The following NFAT5 variants were observed in gnomAD, a reference collection of about 807,000 sequenced individuals.
NFAT5 encodes nuclear factor of activated T-cells 5.
In NFAT5, 31 loss-of-function variants were observed where a neutral mutation model predicts 166.5. That is an observed-to-expected ratio of 0.19 (90% confidence interval 0.14 to 0.25). The LOEUF (loss-of-function observed/expected upper bound fraction) is 0.25, where lower values mean the gene tolerates loss of function less well. Among genes scored for constraint, NFAT5 ranks in the 10% least tolerant of loss-of-function variants. NFAT5 has a pLI of 1.00. For synonymous variants in NFAT5, 612 were observed against 639.7 expected, an observed-to-expected ratio of 0.96 and a Z score of 0.65; for missense variants, 1,449 against 1,821.8, an observed-to-expected ratio of 0.80 and a Z score of 3.72.
intron 7 of NFAT5, among the ~76,000 whole-genome samples, chr16:69,666,760 G>A (rs1164595940): frequency 1.3e-5 from 2 of 151,840 alleles, no homozygotes; most frequent in Admixed American, 1.3e-4. Context: ...GGAAGTCAGT[G>A]TGGCGATTCC....
At chr16:69,660,084 A>G (rs2036057338) in intron 7 of NFAT5, among the ~76,000 whole-genome samples, 185 bp downstream of exon 7, 1 of 152,226 alleles carries the variant, frequency 6.6e-6, no homozygotes, top group Admixed American at 6.5e-5. Flanking sequence ...TTGGGATACA[A>G]TTCAAAAGAT....
intron 7 of NFAT5, among the ~76,000 whole-genome samples, chr16:69,661,567 A>AAAAG: frequency 6.9e-6 from 1 of 145,562 alleles, no homozygotes; most frequent in Non-Finnish European, 1.5e-5. Context: ...AAAAAAAAAA[A>AAAAG]GGAAATTGTT....
chr16:69,633,959 G>A (rs1405526475), intron 3 of NFAT5, among the ~76,000 whole-genome samples: 10 of 151,848 alleles, frequency 6.6e-5, no homozygotes, highest in Non-Finnish European at 2.9e-5. Context: ...ATTATTATTT[G>A]TTAATTAAAA....
chr16:69,598,289 G>T (rs1227806775), intron 2 of NFAT5, among the ~76,000 whole-genome samples: 1 of 150,854 alleles, frequency 6.6e-6, no homozygotes, highest in African/African-American at 2.4e-5. Context: ...GAAGTAGGTG[G>T]ATCACTTGAG....
chr16:69,605,748 C>T (rs2033371048), intron 2 of NFAT5, among the ~76,000 whole-genome samples: 1 of 151,868 alleles, frequency 6.6e-6, no homozygotes, highest in Non-Finnish European at 1.5e-5. Flanking sequence ...GTTCTGTCGC[C>T]CAGGCAGGAC....
intron 2 of NFAT5, among the ~76,000 whole-genome samples, chr16:69,615,557 TACAC>T (rs375592766): frequency 6.6e-6 from 1 of 151,870 alleles, no homozygotes; most frequent in Non-Finnish European, 1.5e-5. Flanking sequence ...TATATGTCTG[TACAC>T]ACACACACAG....
intron 2 of NFAT5, among the ~76,000 whole-genome samples, chr16:69,585,090 C>T (rs940221337): frequency 1.3e-5 from 2 of 151,882 alleles, no homozygotes; most frequent in Admixed American, 6.6e-5. Flanking sequence ...CTCTGCCTCC[C>T]GGGTTGAAGC....
intron 2 of NFAT5, among the ~76,000 whole-genome samples, chr16:69,573,636 A>C (rs888072062): frequency 6.6e-6 from 1 of 151,908 alleles, no homozygotes; most frequent in East Asian, 1.9e-4. Context: ...ATTGCTTACC[A>C]CCTGTTTTTG....
Position 69,620,560 on chromosome 16 carries a change from C to T in NFAT5, c.128-5843C>T, listed in dbSNP as rs139681547. 2.4e-3 allele frequency among the ~76,000 whole-genome samples: 361 copies of T among 152,088 alleles called. 2 individuals carry two copies. Among genetic ancestry groups the T allele is most frequent in the Middle Eastern group, 0.014 (4 of 294 alleles). On this transcript the variant is annotated intron_variant, in intron 2 of 14. Transcript: ENST00000349945. ...ACCAGCCTGGCCAACATAGCAAGAC[C>T]GCGTCTCTACAAAAAAATTGAAAAG...
Position 69,647,678 on chromosome 16 carries a change from GT to G in NFAT5, c.812+95del. 8.4e-7 allele frequency: 1 copy of G among 1,190,614 alleles called. No homozygotes were observed. Among genetic ancestry groups the G allele is most frequent in the African/African-American group, 1.5e-5 (1 of 65,162 alleles). The allele number at this position is 1,190,614 out of a possible 1,614,324, so 73.8% of individuals were successfully genotyped here. Reference sequence around the variant, plus strand: ...AATTTTTCCTAATTGCTGAGCTCAAGTTTGCATATAAAGCAACAGTGCTAAT... The same window carrying G: ...AATTTTTCCTAATTGCTGAGCTCAAGTTGCATATAAAGCAACAGTGCTAAT... On this transcript the variant is annotated intron_variant, in intron 4 of 14. Coordinates refer to ENST00000349945, the MANE Select transcript of NFAT5 (RefSeq NM_138713.4). This position sits in a 1 kb window ranked among gnomAD's most constrained non-coding sequence, Gnocchi z 4.8.
intron 2 of NFAT5, among the ~76,000 whole-genome samples, chr16:69,579,864 T>C (rs1005311704): frequency 6.6e-6 from 1 of 152,226 alleles, no homozygotes; most frequent in African/African-American, 2.4e-5. Flanking sequence ...CTGTGACTGT[T>C]TGTTCTTGTA....
In NFAT5 at chr16:69,696,838, G is replaced by T. The variant is rs2151728888; in HGVS notation, c.*487G>T. The T allele has an allele frequency of 6.6e-6, 1 of 152,606 alleles. No homozygotes were observed. The highest frequency in any genetic ancestry group is 1.9e-4 in the East Asian group (1 of 5,186). 9.5% of individuals were successfully genotyped at this position (152,606 alleles called of 1,614,324 possible). A position where few individuals can be genotyped will look rare whatever the true frequency, so the allele number is the denominator to read the frequency against. On this transcript the variant is annotated 3_prime_UTR_variant, in exon 15 of 15. Coordinates refer to ENST00000349945, the MANE Select transcript of NFAT5 (RefSeq NM_138713.4). ...TTCAATATAAAAGGCACAGCTGTTG[G>T]CCAAAGTGAAGGAATCTTTTTTCAG...
chr16:69,663,564 TAAAAAA>T (rs60161117), intron 7 of NFAT5, among the ~76,000 whole-genome samples: 3 of 91,988 alleles, frequency 3.3e-5, no homozygotes, highest in African/African-American at 1.2e-4. Context: ...CCCATCTCTT[TAAAAAA>T]AAAAAAAAAA....
At position 69,656,742 on chromosome 16, in the gene NFAT5, G is replaced by A. The variant is rs184362926; in HGVS notation, c.1196+943G>A. On this transcript the variant is annotated intron_variant, in intron 6 of 14. Coordinates refer to ENST00000349945, the MANE Select transcript of NFAT5 (RefSeq NM_138713.4). ...GCTGGGATTACAGGCATGAGCCGCT[G>A]CACCCAGCCGAAAAACTGTTCAGCA... is the stretch of plus-strand genomic sequence containing the variant. Among the ~76,000 whole-genome samples, 206 of 152,260 alleles carry A rather than the reference G, an allele frequency of 1.4e-3. 2 individuals are homozygous for A. The highest frequency in any genetic ancestry group is 3.1e-4 in the Non-Finnish European group (21 of 68,026).
At chr16:69,652,342 C>T (rs2035705109) in intron 4 of NFAT5, among the ~76,000 whole-genome samples, 1 of 151,418 alleles carries the variant, frequency 6.6e-6, no homozygotes. Flanking sequence ...ATCCCAGCTA[C>T]TTGGGAGGCT....
chr16:69,574,543 GAATA>G (rs2016628735), intron 2 of NFAT5, among the ~76,000 whole-genome samples: 1 of 151,914 alleles, frequency 6.6e-6, no homozygotes, highest in African/African-American at 2.4e-5. Context: ...CTAGCTTTCA[GAATA>G]AATAAACTTG....
intron 7 of NFAT5, among the ~76,000 whole-genome samples, chr16:69,662,869 A>G (rs2036213383): frequency 6.6e-6 from 1 of 151,702 alleles, no homozygotes; most frequent in Non-Finnish European, 1.5e-5. Flanking sequence ...AGGGCTGGAT[A>G]TGGGAGGAAA....
chr16:69,655,848 G>C, intron 6 of NFAT5, 49 bp downstream of exon 6: 1 of 1,392,788 alleles, frequency 7.2e-7, no homozygotes, highest in Non-Finnish European at 9.8e-7. Flanking sequence ...TCTTGTGTTA[G>C]GCAGAATTGT....
chr16:69,666,631 C>G (rs545393105), intron 7 of NFAT5, among the ~76,000 whole-genome samples: 3 of 152,110 alleles, frequency 2.0e-5, no homozygotes, highest in African/African-American at 7.2e-5. Context: ...GATACCATCT[C>G]ACACCAGTTA....
Sources: gnomAD v4.1 joint callset for allele counts (sites outside exome capture counted in the v4.1 genomes callset) on GRCh38, gnomAD v4.1.1 for gene constraint, Gnocchi (gnomAD v3.1) non-coding constraint, MANE v1.5 for transcripts, NCBI Gene and HGNC (gene_info 2026-07-23, HGNC 2026-07-21) for gene names.